STIM1: variants seen among roughly 807,000 people sequenced by gnomAD.
The protein encoded by STIM1 is stromal interaction molecule 1.
In STIM1, 25 loss-of-function variants were observed where a neutral mutation model predicts 74.7. That is an observed-to-expected ratio of 0.33 (90% confidence interval 0.24 to 0.47). The LOEUF is 0.47. Among genes scored for constraint, STIM1 ranks in the 20% least tolerant of loss-of-function variants. The probability of loss-of-function intolerance (pLI) is 1.00; values close to 1 mark genes in which losing one functional copy is unlikely to be tolerated. For synonymous variants in STIM1, 328 were observed against 348.8 expected, an observed-to-expected ratio of 0.94 and a Z score of 0.66; for missense variants, 728 against 920.8, an observed-to-expected ratio of 0.79 and a Z score of 2.71.
intron 3 of STIM1, among the ~76,000 whole-genome samples, chr11:4,035,901 G>A (rs113978171): frequency 1.5e-3 from 221 of 145,780 alleles, no homozygotes; most frequent in African/African-American, 5.2e-3. Context: ...TGTGCAGGAT[G>A]TGCAGGTTTG....
At chr11:4,021,272 T>A (rs1373991213) in intron 2 of STIM1, among the ~76,000 whole-genome samples, 1 of 152,106 alleles carries the variant, frequency 6.6e-6, no homozygotes, top group East Asian at 1.9e-4. Context: ...ATTACAGGCA[T>A]GTGCCACCAT....
chr11:4,060,144 A>G (rs188557517), intron 5 of STIM1, among the ~76,000 whole-genome samples: 16 of 152,330 alleles, frequency 1.1e-4, no homozygotes, highest in Middle Eastern at 3.4e-3. Context: ...TGAGAGAATT[A>G]GGTTGTTCAG....
At chr11:4,051,095 A>C (rs949717144) in intron 3 of STIM1, among the ~76,000 whole-genome samples, 5 of 152,160 alleles carry the variant, frequency 3.3e-5, no homozygotes, top group African/African-American at 1.2e-4. Flanking sequence ...TTTTATTGAA[A>C]AAAAAATCCA....
intron 1 of STIM1, among the ~76,000 whole-genome samples, chr11:3,917,962 T>G (rs986225578): frequency 3.9e-5 from 6 of 152,218 alleles, no homozygotes; most frequent in Non-Finnish European, 8.8e-5. Context: ...TTGTGACTCT[T>G]TCTTTTGCAG....
chr11:3,996,413 G>C lies in STIM1; in HGVS notation c.271-27460G>C, dbSNP rs142843069. On this transcript the variant is annotated intron_variant, in intron 2 of 12. Transcript: ENST00000526596. Reference sequence around the variant, plus strand: ...GGTAAAGCTCTCGTCCTATGAGTGGGGTTTAAACGGGACAAAAGAGGCCCA... The same window carrying C: ...GGTAAAGCTCTCGTCCTATGAGTGGCGTTTAAACGGGACAAAAGAGGCCCA... 7.0e-3 allele frequency among the ~76,000 whole-genome samples: 1,059 copies of C among 152,230 alleles called. 17 individuals are homozygous for C. The highest frequency in any genetic ancestry group is 0.024 in the African/African-American group (1,012 of 41,524).
intron 1 of STIM1, among the ~76,000 whole-genome samples, chr11:3,954,290 G>A (rs1256395799): frequency 6.6e-6 from 1 of 152,120 alleles, no homozygotes; most frequent in Non-Finnish European, 1.5e-5. Context: ...TGTGAGCAAA[G>A]GATGGTGTTT....
At chr11:4,086,159 C>T (rs2094491905) in intron 11 of STIM1, 2 of 419,950 alleles carry the variant, frequency 4.8e-6, no homozygotes, top group Non-Finnish European at 8.7e-6. Flanking sequence ...TCTCCCGGAC[C>T]TTATCCCAAG....
chr11:3,986,926 T>C (rs988816111), intron 2 of STIM1, among the ~76,000 whole-genome samples: 4 of 152,208 alleles, frequency 2.6e-5, no homozygotes, highest in African/African-American at 9.7e-5. Context: ...TTCTCAGGTA[T>C]AGATCCACAT....
At chr11:3,916,573 TC>T (rs1228535711) in intron 1 of STIM1, among the ~76,000 whole-genome samples, 1 of 151,734 alleles carries the variant, frequency 6.6e-6, no homozygotes, top group East Asian at 1.9e-4. Flanking sequence ...TGCCTCAGCC[TC>T]CCGAGTAGCT....
At chr11:3,886,687 CAAAAAAAAAAAAAAAA>C (rs199847545) in intron 1 of STIM1, among the ~76,000 whole-genome samples, 1 of 87,916 alleles carries the variant, frequency 1.1e-5, no homozygotes. Context: ...GACTCTGTGT[CAAAAAAAAAAAAAAAA>C]AAAAAAAAGG....
intron 1 of STIM1, among the ~76,000 whole-genome samples, chr11:3,946,096 G>A (rs1314458045): frequency 6.6e-6 from 1 of 152,192 alleles, no homozygotes; most frequent in Non-Finnish European, 1.5e-5. Context: ...TGAAATTTGG[G>A]TAGGGATGAA....
chr11:4,048,369 G>T (rs183190553), intron 3 of STIM1, among the ~76,000 whole-genome samples: 1 of 152,156 alleles, frequency 6.6e-6, no homozygotes, highest in African/African-American at 2.4e-5. Context: ...AAGTCACTGT[G>T]TAAAATTTGT....
chr11:4,048,964 C>T lies in STIM1; in HGVS notation c.386-6562C>T, dbSNP rs1052896510. 6.6e-5 allele frequency among the ~76,000 whole-genome samples: 10 copies of T among 152,284 alleles called. No individual in the cohort carries two copies. In the East Asian group the frequency reaches 1.9e-3, roughly 29 times the overall value. On this transcript the variant is annotated intron_variant, in intron 3 of 12. Transcript: ENST00000526596. ...GGCCAGGCTGGTCTTGAACTCCTGA[C>T]CTCAGGTGATCTGCCCGCCTCGGCC...
chr11:4,067,378 G>T (rs1427955449), intron 5 of STIM1, among the ~76,000 whole-genome samples: 1 of 152,156 alleles, frequency 6.6e-6, no homozygotes, highest in Non-Finnish European at 1.5e-5. Flanking sequence ...TGCCCTGATG[G>T]CAATGCCACT....
At chr11:4,018,467 A>AG (rs1321656878) in intron 2 of STIM1, among the ~76,000 whole-genome samples, 3 of 146,116 alleles carry the variant, frequency 2.1e-5, no homozygotes, top group Non-Finnish European at 4.5e-5. Context: ...TCAAAAAAAA[A>AG]AAAAAAAAAA....
At chr11:3,962,162 G>A (rs567199742) in intron 1 of STIM1, among the ~76,000 whole-genome samples, 3 of 152,122 alleles carry the variant, frequency 2.0e-5, no homozygotes, top group Non-Finnish European at 4.4e-5. Flanking sequence ...GGCTTTTAGT[G>A]TACCTAGTGT....
chr11:3,937,289 T>C (rs2092944402), intron 1 of STIM1, among the ~76,000 whole-genome samples: 1 of 21,016 alleles, frequency 4.8e-5, no homozygotes, highest in South Asian at 2.7e-3. Flanking sequence ...AGACTTCATC[T>C]CAATAATAAT....
chr11:3,896,003 C>T (rs930099236), intron 1 of STIM1, among the ~76,000 whole-genome samples: 1 of 151,012 alleles, frequency 6.6e-6, no homozygotes, highest in South Asian at 2.1e-4. Flanking sequence ...CTCCCGGGTT[C>T]ACGCCATTCT....
intron 2 of STIM1, among the ~76,000 whole-genome samples, chr11:4,013,096 C>G (rs887995313): frequency 3.3e-5 from 5 of 152,150 alleles, no homozygotes; most frequent in Non-Finnish European, 5.9e-5. Context: ...GGTGGATAAG[C>G]TTTTTGATGT....
Sources: allele counts gnomAD v4.1 joint callset (sites outside exome capture counted in the v4.1 genomes callset), GRCh38; gene constraint gnomAD v4.1.1; transcripts MANE v1.5; gene names NCBI Gene and HGNC (gene_info 2026-07-23, HGNC 2026-07-21).